Variants in MOCS1 observed in about 807,000 individuals in gnomAD.
MOCS1 encodes the protein molybdenum cofactor biosynthesis protein 1.
Under a neutral mutation model 57.6 loss-of-function variants are expected in MOCS1, and 39 were observed. That is an observed-to-expected ratio of 0.68 (90% confidence interval 0.52 to 0.88). The LOEUF is 0.88. Among genes scored for constraint, MOCS1 ranks in the 40% least tolerant of loss-of-function variants. MOCS1 has a pLI of 0.00. For missense variants in MOCS1, 795 were observed against 831.1 expected, an observed-to-expected ratio of 0.96 and a Z score of 0.53; for synonymous variants, 334 against 335.7, an observed-to-expected ratio of 1.00 and a Z score of 0.05.
chr6:39,909,146 G>T, intron 9 of MOCS1, 44 bp from the exon 10 acceptor site: 1 of 1,212,706 alleles, frequency 8.2e-7, no homozygotes, highest in Non-Finnish European at 1.2e-6. Context: ...AGCAGGGGAG[G>T]GGGAGAGGGA....
At chr6:39,908,976 G>T in intron 10 of MOCS1, 79 bp downstream of exon 10, 1 of 1,163,634 alleles carries the variant, frequency 8.6e-7, no homozygotes, top group East Asian at 2.3e-5. Context: ...AGGAGCTGGG[G>T]GTGCCTATGG....
chr6:39,906,971 G>T lies in MOCS1; in HGVS notation c.1297C>A (p.Pro433Thr), dbSNP rs780093357. Reference protein sequence around the residue: ...LWKGCRVPQTPPLAQQRLGSG... With the variant: ...LWKGCRVPQTTPLAQQRLGSG... The stretch of plus-strand genomic sequence containing the variant: ...CCCAGCCGCTGCTGGGCTAGAGGAG[G>T]GGTCTGGGGGACCCTGCATCCTTTC... Residue 433 changes from proline (P) to threonine (T), a missense_variant, in exon 11 of 11, where the codon CCT (proline) becomes ACT (threonine). Physicochemically the swap from Pro to Thr is conservative, Grantham distance 38. Around this residue, in one of 3 missense-constraint regions of MOCS1, gnomAD observed 374 missense variants for 422.6 expected, o/e 0.89. Coordinates refer to ENST00000340692, the MANE Select transcript of MOCS1 (RefSeq NM_001358530.2). 1 of 1,614,106 alleles carries T rather than the reference G, an allele frequency of 6.2e-7. No individual in the cohort carries two copies.
chr6:39,913,660 C>T, intron 5 of MOCS1, 114 bp downstream of exon 5: 21 of 1,253,026 alleles, frequency 1.7e-5, no homozygotes, highest in Non-Finnish European at 2.5e-5. Context: ...GGTGCACGTA[C>T]TTCAGCCATG....
intron 3 of MOCS1, among the ~76,000 whole-genome samples, chr6:39,921,549 T>C (rs1767974252): frequency 6.6e-6 from 1 of 152,170 alleles, no homozygotes; most frequent in Non-Finnish European, 1.5e-5. Flanking sequence ...TAACTATGAT[T>C]TAACCTAATT....
intron 7 of MOCS1, among the ~76,000 whole-genome samples, chr6:39,912,577 G>C (rs1767398909): frequency 6.6e-6 from 1 of 152,174 alleles, no homozygotes; most frequent in South Asian, 2.1e-4. Flanking sequence ...GCTTGCCCTA[G>C]ATAAAAGCTG....
chr6:39,927,496 C>T (rs1562101963), intron 1 of MOCS1, 41 bp from the exon 2 acceptor site: 1 of 1,609,914 alleles, frequency 6.2e-7, no homozygotes, highest in Non-Finnish European at 8.5e-7. Flanking sequence ...GCCCCTGCTA[C>T]CGGGCTGGGA....
At chr6:39,926,332 A>G (rs890715006) in intron 2 of MOCS1, among the ~76,000 whole-genome samples, 3 of 152,058 alleles carry the variant, frequency 2.0e-5, no homozygotes, top group African/African-American at 7.2e-5. Flanking sequence ...AGCATTCTCA[A>G]ATCCACTCTA....
At chr6:39,927,579 G>A (rs1410728817) in intron 1 of MOCS1, 124 bp from the exon 2 acceptor site, 15 of 1,608,298 alleles carry the variant, frequency 9.3e-6, no homozygotes, top group African/African-American at 1.3e-5. Flanking sequence ...TCTTCCACAT[G>A]TTTGGGCTCT....
Position 39,931,834 on chromosome 6 carries a change from A to G in MOCS1, c.123+2461T>C, listed in dbSNP as rs1768658594. On this transcript the variant is annotated intron_variant, in intron 1 of 10. Coordinates refer to ENST00000340692, the MANE Select transcript of MOCS1 (RefSeq NM_001358530.2). The stretch of plus-strand genomic sequence containing the variant: ...TCCCCCGCCACAGGCAGCAGGCTTC[A>G]TTGTTGCCCAACAAAGCCTGCATGG... Among the ~76,000 whole-genome samples the G allele has an allele frequency of 1.3e-5, 2 of 152,120 alleles. 1 individual carries two copies. The highest frequency in any genetic ancestry group is 4.1e-4 in the South Asian group (2 of 4,832).
At chr6:39,930,888 A>G (rs571137564) in intron 1 of MOCS1, among the ~76,000 whole-genome samples, 35 of 152,336 alleles carry the variant, frequency 2.3e-4, no homozygotes, top group African/African-American at 7.5e-4. Flanking sequence ...TCATCTATGC[A>G]GTGGAAATAA....
chr6:39,919,837 G>A (rs1283320808), intron 3 of MOCS1, among the ~76,000 whole-genome samples: 1 of 152,126 alleles, frequency 6.6e-6, no homozygotes, highest in Non-Finnish European at 1.5e-5. Context: ...ATCTACAGAT[G>A]AACTAAGGAC....
Position 39,906,474 on chromosome 6 carries a change from T to C in MOCS1, c.1794A>G (p.Ala598=), listed in dbSNP as rs1244683592. The stretch of plus-strand genomic sequence containing the variant: ...TGTCATACAGGGTGAGGGCGGCCAC[T>C]GCAGCAGAGGTCAGGGCCTCCATCT... ...GVEMEALTSA[A]VAALTLYDMC... The change falls in exon 11 of 11, where the codon GCA becomes GCG. Residue 598 remains alanine (A), a synonymous_variant. Coordinates refer to ENST00000340692, the MANE Select transcript of MOCS1 (RefSeq NM_001358530.2). The C allele has an allele frequency of 1.2e-6, 2 of 1,614,130 alleles. No homozygotes were observed. Among genetic ancestry groups the C allele is most frequent in the Non-Finnish European group, 1.7e-6 (2 of 1,180,000 alleles).
At chr6:39,920,732 A>C (rs564610213) in intron 3 of MOCS1, among the ~76,000 whole-genome samples, 123 of 152,264 alleles carry the variant, frequency 8.1e-4, no homozygotes, top group African/African-American at 2.7e-3. Context: ...TAATCCCAGC[A>C]CTTTGGGAGG....
intron 1 of MOCS1, among the ~76,000 whole-genome samples, chr6:39,929,574 T>C (rs1487212721): frequency 2.0e-5 from 3 of 151,642 alleles, no homozygotes; most frequent in Non-Finnish European, 4.4e-5. Context: ...CATCAAAGAA[T>C]TGGAAGTTGA....
intron 1 of MOCS1, among the ~76,000 whole-genome samples, chr6:39,928,167 CTT>C (rs769365209): frequency 2.3e-4 from 32 of 141,186 alleles, no homozygotes; most frequent in Non-Finnish European, 1.9e-4. Context: ...ATTCCAGGTT[CTT>C]TTTTTTTTTT....
rs1332833982 is a variant in MOCS1 at position 39,904,672 on chromosome 6, C to CCAA, written c.*1682_*1684dup. ...TCTCCCTACTCCCATCCCATTTCCACCAACTGGGGAACTGTGACTATCTAT... is the reference window on the plus strand; with the variant it reads ...TCTCCCTACTCCCATCCCATTTCCACCAACAACTGGGGAACTGTGACTATCTAT... On this transcript the variant is annotated 3_prime_UTR_variant, in exon 11 of 11. Coordinates refer to ENST00000340692, the MANE Select transcript of MOCS1 (RefSeq NM_001358530.2). 4.4e-6 allele frequency: 2 copies of CCAA among 453,638 alleles called. No individual in the cohort carries two copies. Among genetic ancestry groups the CCAA allele is most frequent in the Non-Finnish European group, 8.8e-6 (2 of 226,734 alleles). The allele number at this position is 453,638 out of a possible 1,614,324, so 28.1% of individuals were successfully genotyped here.
chr6:39,906,222 A>C lies in MOCS1; in HGVS notation c.*135T>G, dbSNP rs370974142. On this transcript the variant is annotated 3_prime_UTR_variant, in exon 11 of 11. Coordinates refer to ENST00000340692, the MANE Select transcript of MOCS1 (RefSeq NM_001358530.2). ...CAGCAGGCCTGTTTGTTAGTAGTAGAGCAGGCTGACTTCGGGTTTACTGCT... is the reference window on the plus strand; with the variant it reads ...CAGCAGGCCTGTTTGTTAGTAGTAGCGCAGGCTGACTTCGGGTTTACTGCT... 2,166 of 1,080,556 alleles carry C rather than the reference A, an allele frequency of 2.0e-3. 27 individuals are homozygous for C. Among genetic ancestry groups the C allele is most frequent in the Middle Eastern group, 7.2e-3 (25 of 3,474 alleles). 66.9% of individuals were successfully genotyped at this position (1,080,556 alleles called of 1,614,324 possible). A position where few individuals can be genotyped will look rare whatever the true frequency, so the allele number is the denominator to read the frequency against.
chr6:39,927,268 T>C, intron 2 of MOCS1, 61 bp downstream of exon 2: 6 of 1,593,624 alleles, frequency 3.8e-6, no homozygotes, highest in Non-Finnish European at 5.1e-6. Flanking sequence ...CACAGGGAAA[T>C]TTCAAGGGCT....
chr6:39,909,565 C>G (rs951580565), intron 9 of MOCS1, among the ~76,000 whole-genome samples: 2 of 152,076 alleles, frequency 1.3e-5, no homozygotes, highest in East Asian at 1.9e-4. Context: ...AATGACACCC[C>G]CTTCTCCCCA....
Sources: gnomAD v4.1 joint callset for allele counts (sites outside exome capture counted in the v4.1 genomes callset) on GRCh38, gnomAD v4.1.1 for gene constraint, gnomAD v4.1.1 regional missense constraint, MANE v1.5 for transcripts, NCBI Gene and HGNC (gene_info 2026-07-23, HGNC 2026-07-21) for gene names.